Variants in NOVA1 observed in about 807,000 individuals in gnomAD.
NOVA1 encodes the protein NOVA alternative splicing regulator 1.
A neutral mutation model predicts 38.0 loss-of-function variants in NOVA1; 7 were observed. The observed-to-expected ratio is 0.18, with a 90% CI of 0.10 to 0.35. The LOEUF (loss-of-function observed/expected upper bound fraction) is 0.35, where lower values mean the gene tolerates loss of function less well. Among genes scored for constraint, NOVA1 ranks in the 10% least tolerant of loss-of-function variants. The pLI, the probability that NOVA1 is intolerant of heterozygous loss-of-function variation, is 1.00. For missense variants in NOVA1, 460 were observed against 616.0 expected (o/e 0.75, Z 2.68); for synonymous variants, 270 against 232.5 (o/e 1.16, Z -1.47).
At chr14:26,550,467 T>C (rs939912215) in intron 2 of NOVA1, among the ~76,000 whole-genome samples, 1 of 152,130 alleles carries the variant, frequency 6.6e-6, no homozygotes, top group Non-Finnish European at 1.5e-5. Flanking sequence ...TTAGCCCATA[T>C]AAAGAATGAA....
At chr14:26,527,380 C>G (rs1211268935) in intron 2 of NOVA1, among the ~76,000 whole-genome samples, 1 of 151,996 alleles carries the variant, frequency 6.6e-6, no homozygotes, top group Non-Finnish European at 1.5e-5. Flanking sequence ...ATGAGCATCA[C>G]CAGAATCAAT....
intron 2 of NOVA1, among the ~76,000 whole-genome samples, chr14:26,590,564 A>G (rs1238189435): frequency 6.6e-6 from 1 of 151,830 alleles, no homozygotes; most frequent in Non-Finnish European, 1.5e-5. Flanking sequence ...CCAGAGCAAA[A>G]AACTCCCAAA....
intron 2 of NOVA1, among the ~76,000 whole-genome samples, chr14:26,501,873 T>G (rs1285708369): frequency 6.6e-6 from 1 of 151,960 alleles, no homozygotes; most frequent in East Asian, 1.9e-4. Flanking sequence ...CTACTATTCT[T>G]TTCTCAAGTT....
At chr14:26,577,570 C>A (rs1892939166) in intron 2 of NOVA1, among the ~76,000 whole-genome samples, 1 of 152,070 alleles carries the variant, frequency 6.6e-6, no homozygotes, top group Non-Finnish European at 1.5e-5. Context: ...TTTCTGTTAT[C>A]TTCTTTTGGC....
At chr14:26,566,202 T>C (rs1892127456) in intron 2 of NOVA1, among the ~76,000 whole-genome samples, 1 of 152,128 alleles carries the variant, frequency 6.6e-6, no homozygotes, top group Non-Finnish European at 1.5e-5. Flanking sequence ...ATATCGTACA[T>C]AACACCAGTC....
intron 3 of NOVA1, among the ~76,000 whole-genome samples, chr14:26,475,442 T>C (rs1884907637): frequency 6.6e-6 from 1 of 152,222 alleles, no homozygotes; most frequent in Admixed American, 6.5e-5. Flanking sequence ...ATATACATCA[T>C]GAAGATGTAA....
chr14:26,480,025 G>T lies in NOVA1; in HGVS notation c.399C>A (p.Val133=). The part of the protein sequence containing the change: ...MPQNVAKTEP[V]SILQPQTTVN... ...CGGTGGTCTGGGGTTGTAGAATGCT[G>T]ACTGGTTCTGTCTTGGCCACATTTT... The change falls in exon 3 of 5, where the codon GTC becomes GTA. Residue 133 remains valine (V), a synonymous_variant. Coordinates refer to ENST00000539517, the MANE Select transcript of NOVA1 (RefSeq NM_002515.3). 6.2e-7 allele frequency: 1 copy of T among 1,614,060 alleles called. No homozygotes were observed. Among genetic ancestry groups the T allele is most frequent in the South Asian group, 1.1e-5 (1 of 91,078 alleles).
intron 2 of NOVA1, among the ~76,000 whole-genome samples, chr14:26,486,409 T>C (rs941183540): frequency 1.4e-4 from 21 of 152,122 alleles, no homozygotes; most frequent in Middle Eastern, 3.4e-3. Context: ...TTATATAAAC[T>C]ATTAACAAGT....
chr14:26,529,326 CG>C (rs1412639076), intron 2 of NOVA1, among the ~76,000 whole-genome samples: 1 of 151,822 alleles, frequency 6.6e-6, no homozygotes, highest in Non-Finnish European at 1.5e-5. Flanking sequence ...TTAGTAGAGA[CG>C]GGGTTTCATC....
chr14:26,597,661 CAGAA>C lies in NOVA1; in HGVS notation c.-229_-226del. The stretch of plus-strand genomic sequence containing the variant: ...CTGAGGAGCAGCTGCAGTGCAGTGT[CAGAA>C]AGGAGACAGGGGAATGGAGGGGGTG... On this transcript the variant is annotated 5_prime_UTR_variant, in exon 1 of 5. Coordinates refer to ENST00000539517, the MANE Select transcript of NOVA1 (RefSeq NM_002515.3). 1 of 1,198,482 alleles carries C rather than the reference CAGAA, an allele frequency of 8.3e-7. No homozygotes were observed. The highest frequency in any genetic ancestry group is 1.0e-6 in the Non-Finnish European group (1 of 970,754). The allele number at this position is 1,198,482 out of a possible 1,614,324, so 74.2% of individuals were successfully genotyped here. A position where few individuals can be genotyped will look rare whatever the true frequency, so the allele number is the denominator to read the frequency against.
At chr14:26,582,518 A>G (rs1893284292) in intron 2 of NOVA1, among the ~76,000 whole-genome samples, 1 of 151,798 alleles carries the variant, frequency 6.6e-6, no homozygotes, top group Non-Finnish European at 1.5e-5. Context: ...TTTCCTATGC[A>G]CTTTTTTCTA....
intron 2 of NOVA1, among the ~76,000 whole-genome samples, chr14:26,502,952 CTAAT>C (rs1489570056): frequency 4.0e-5 from 6 of 151,850 alleles, no homozygotes; most frequent in African/African-American, 1.2e-4. Context: ...GTTTTTTCTC[CTAAT>C]TGAGGATCAA....
intron 2 of NOVA1, among the ~76,000 whole-genome samples, chr14:26,491,004 C>A (rs937650559): frequency 1.3e-5 from 2 of 151,936 alleles, no homozygotes; most frequent in Non-Finnish European, 2.9e-5. Context: ...CGCCCGCCAC[C>A]ACGCCCGGAT....
intron 2 of NOVA1, among the ~76,000 whole-genome samples, chr14:26,586,757 G>A (rs1184194503): frequency 6.6e-6 from 1 of 150,960 alleles, no homozygotes; most frequent in Non-Finnish European, 1.5e-5. Flanking sequence ...AAATGACCAG[G>A]CTACATGCTC....
At chr14:26,596,662 G>T in intron 1 of NOVA1, 1 of 1,289,006 alleles carries the variant, frequency 7.8e-7, no homozygotes, top group East Asian at 5.6e-5. Flanking sequence ...ATCTTCCAAG[G>T]AAGCGCAGGA....
rs1882073313 is a variant in NOVA1, at chr14:26,446,412, GCA to G, written c.*1545_*1546del. The G allele has an allele frequency of 6.6e-6, 1 of 152,670 alleles. No individual in the cohort carries two copies. Among genetic ancestry groups the G allele is most frequent in the South Asian group, 2.1e-4 (1 of 4,826 alleles). The allele number at this position is 152,670 out of a possible 1,614,324, so 9.5% of individuals were successfully genotyped here. ...CACACTCATTGTTCTTTAATTGGTTGCACAGAAAGGAGCAGCTGGGATGCCAT... is the reference window on the plus strand; with the variant it reads ...CACACTCATTGTTCTTTAATTGGTTGCAGAAAGGAGCAGCTGGGATGCCAT... On this transcript the variant is annotated 3_prime_UTR_variant, in exon 5 of 5. Coordinates refer to ENST00000539517, the MANE Select transcript of NOVA1 (RefSeq NM_002515.3).
In NOVA1 at chr14:26,447,913, TG is replaced by T; in HGVS notation, c.*45del. ...AAGTACAGTACATCCTTCTTGAAAA[TG>T]GGGTAAAGGAGGGGTTAAAACAATC... is the stretch of plus-strand genomic sequence containing the variant. On this transcript the variant is annotated 3_prime_UTR_variant, in exon 5 of 5. Transcript: ENST00000539517. 1 of 1,477,640 alleles carries T rather than the reference TG, an allele frequency of 6.8e-7. No individual in the cohort carries two copies. Among genetic ancestry groups the T allele is most frequent in the Non-Finnish European group, 9.4e-7 (1 of 1,061,328 alleles). The allele number at this position is 1,477,640 out of a possible 1,614,324, so 91.5% of individuals were successfully genotyped here.
At chr14:26,465,350 T>G (rs1213849025) in intron 4 of NOVA1, among the ~76,000 whole-genome samples, 2 of 152,058 alleles carry the variant, frequency 1.3e-5, no homozygotes, top group African/African-American at 4.8e-5. Context: ...AATTTTTGTA[T>G]TTTTAGTAGA....
At chr14:26,470,167 T>C in intron 4 of NOVA1, 1 of 841,570 alleles carries the variant, frequency 1.2e-6, no homozygotes, top group Non-Finnish European at 1.5e-6. Flanking sequence ...GACAGTCCAT[T>C]AGTTCTTTTC....
Sources: gnomAD v4.1 joint callset for allele counts (sites outside exome capture counted in the v4.1 genomes callset) on GRCh38, gnomAD v4.1.1 for gene constraint, MANE v1.5 for transcripts, NCBI Gene and HGNC (gene_info 2026-07-23, HGNC 2026-07-21) for gene names.